SKAP1: variants seen among roughly 807,000 people sequenced by gnomAD.
The protein encoded by SKAP1 is src kinase associated phosphoprotein 1, also known as src kinase-associated phosphoprotein 1.
SKAP1 carries 44 observed loss-of-function variants against 58.5 expected under a neutral mutation model. That is an observed-to-expected ratio of 0.75 (90% confidence interval 0.59 to 0.97). SKAP1 has a LOEUF of 0.97. Ranked by LOEUF, SKAP1 falls within the 50% of genes least tolerant of loss-of-function variation. The pLI is 0.00. For synonymous variants in SKAP1, 127 were observed against 149.7 expected, an observed-to-expected ratio of 0.85 and a Z score of 1.11; for missense variants, 390 against 435.2, an observed-to-expected ratio of 0.90 and a Z score of 0.92.
chr17:48,286,541 T>C (rs2065832145), intron 4 of SKAP1, among the ~76,000 whole-genome samples: 1 of 152,234 alleles, frequency 6.6e-6, no homozygotes, highest in African/African-American at 2.4e-5. Context: ...ATAGTATATG[T>C]GGGATCTCTA....
At chr17:48,421,856 T>A (rs1456825463) in intron 1 of SKAP1, among the ~76,000 whole-genome samples, 1 of 152,132 alleles carries the variant, frequency 6.6e-6, no homozygotes. Context: ...CCTTCCTCCA[T>A]AAAGTTTCTC....
At chr17:48,249,612 T>C (rs1288470210) in intron 4 of SKAP1, among the ~76,000 whole-genome samples, 2 of 151,846 alleles carry the variant, frequency 1.3e-5, no homozygotes, top group Non-Finnish European at 2.9e-5. Context: ...AAGTCGAGGC[T>C]GCTGTGAACC....
intron 4 of SKAP1, among the ~76,000 whole-genome samples, chr17:48,339,570 T>C (rs751643684): frequency 2.6e-5 from 4 of 152,276 alleles, no homozygotes; most frequent in Admixed American, 6.5e-5. Context: ...TAGAATACTA[T>C]GTATTATTGG....
intron 11 of SKAP1, among the ~76,000 whole-genome samples, chr17:48,161,586 T>C (rs2143280009): frequency 6.6e-6 from 1 of 152,360 alleles, no homozygotes; most frequent in South Asian, 2.1e-4. Context: ...CCAGTTTGTT[T>C]ACGGTCAACA....
At chr17:48,427,168 A>G (rs150849910) in intron 1 of SKAP1, among the ~76,000 whole-genome samples, 30 of 152,298 alleles carry the variant, frequency 2.0e-4, no homozygotes, top group South Asian at 4.1e-4. Context: ...ACTTATTCCT[A>G]GGCTTACACA....
intron 4 of SKAP1, among the ~76,000 whole-genome samples, chr17:48,278,649 G>A (rs548198532): frequency 1.3e-5 from 2 of 152,192 alleles, no homozygotes; most frequent in Non-Finnish European, 2.9e-5. Context: ...AGATGGCAGG[G>A]ATGGAGAGTA....
chr17:48,228,869 A>G lies in SKAP1; in HGVS notation c.281-39369T>C, dbSNP rs539960791. ...ACAGAGCTGGGCTAAAGGAGCTGACACTGTGGTGGGATTCCTAATAGAACC... is the reference window on the plus strand; with the variant it reads ...ACAGAGCTGGGCTAAAGGAGCTGACGCTGTGGTGGGATTCCTAATAGAACC... On this transcript the variant is annotated intron_variant, in intron 4 of 12. Coordinates refer to ENST00000336915, the MANE Select transcript of SKAP1 (RefSeq NM_003726.4). Among the ~76,000 whole-genome samples the G allele has an allele frequency of 4.6e-5, 7 of 152,312 alleles. No homozygotes were observed. In the South Asian group the frequency reaches 1.5e-3, roughly 32 times the overall value.
intron 4 of SKAP1, among the ~76,000 whole-genome samples, chr17:48,287,033 T>C (rs1598513546): frequency 6.6e-6 from 1 of 151,550 alleles, no homozygotes; most frequent in Non-Finnish European, 1.5e-5. Flanking sequence ...GAGGTGGAGG[T>C]TGCAGTGAGC....
intron 4 of SKAP1, among the ~76,000 whole-genome samples, chr17:48,326,917 A>G (rs1405181535): frequency 7.4e-5 from 9 of 121,470 alleles, no homozygotes; most frequent in African/African-American, 1.3e-4. Flanking sequence ...TTTGAGATGG[A>G]GTCTTGCTAT....
chr17:48,411,200 G>A (rs1038862734), intron 1 of SKAP1, among the ~76,000 whole-genome samples: 1 of 151,828 alleles, frequency 6.6e-6, no homozygotes, highest in Non-Finnish European at 1.5e-5. Flanking sequence ...AGGAGTTTGA[G>A]ACCAGTCTGG....
At chr17:48,262,192 C>T (rs1046498005) in intron 4 of SKAP1, among the ~76,000 whole-genome samples, 4 of 152,142 alleles carry the variant, frequency 2.6e-5, no homozygotes, top group African/African-American at 7.2e-5. Context: ...CTGCAGGAGG[C>T]CCCCAGTCAG....
intron 7 of SKAP1, among the ~76,000 whole-genome samples, chr17:48,183,152 C>A (rs2064393204): frequency 6.6e-6 from 1 of 152,062 alleles, no homozygotes; most frequent in African/African-American, 2.4e-5. Flanking sequence ...TCAGCTCTAG[C>A]AAAAGGAGTG....
the SKAP1 span, among the ~76,000 whole-genome samples, chr17:48,438,162 C>G: frequency 6.6e-6 from 1 of 152,192 alleles, no homozygotes; most frequent in Non-Finnish European, 1.5e-5. Flanking sequence ...CTTGCTGTGA[C>G]CTTGGACAAG....
intron 4 of SKAP1, among the ~76,000 whole-genome samples, chr17:48,311,362 C>T (rs2066222438): frequency 6.6e-6 from 1 of 152,164 alleles, no homozygotes; most frequent in South Asian, 2.1e-4. Context: ...TTGGGCATCC[C>T]CAGTTCTATC....
chr17:48,238,190 C>T (rs2065203216), intron 4 of SKAP1, among the ~76,000 whole-genome samples: 1 of 151,974 alleles, frequency 6.6e-6, no homozygotes, highest in African/African-American at 2.4e-5. Context: ...GACATGGTTT[C>T]ACCATATTGG....
intron 4 of SKAP1, among the ~76,000 whole-genome samples, chr17:48,291,425 G>A (rs2065895362): frequency 6.6e-6 from 1 of 152,092 alleles, no homozygotes; most frequent in Non-Finnish European, 1.5e-5. Flanking sequence ...CTCTTGCTGA[G>A]GACATTCTAT....
chr17:48,305,173 GTTGTTA>G (rs1226094254), intron 4 of SKAP1, among the ~76,000 whole-genome samples: 1 of 152,082 alleles, frequency 6.6e-6, no homozygotes, highest in African/African-American at 2.4e-5. Context: ...TGTTGTTGTT[GTTGTTA>G]TTTATTTGTT....
chr17:48,333,947 T>A (rs1054905946), intron 4 of SKAP1, among the ~76,000 whole-genome samples: 1 of 151,986 alleles, frequency 6.6e-6, no homozygotes, highest in Non-Finnish European at 1.5e-5. Context: ...GATGTTTGCT[T>A]TATAGATGAA....
rs1283691457 is a variant in SKAP1, at chr17:48,407,834, A to T, written c.47-11049T>A. On this transcript the variant is annotated intron_variant, in intron 1 of 12. Transcript: ENST00000336915. Reference sequence around the variant, plus strand: ...ATGCCACTGCATTCCAGCATGGGCAACAGAGTGAGACTTTGTCTCCAAAAA... The same window carrying T: ...ATGCCACTGCATTCCAGCATGGGCATCAGAGTGAGACTTTGTCTCCAAAAA... 1.3e-4 allele frequency among the ~76,000 whole-genome samples: 20 copies of T among 150,070 alleles called. No homozygotes were observed. The Admixed American group carries it at 1.3e-3, about 10-fold the overall frequency.
Sources: gnomAD v4.1 joint callset for allele counts (sites outside exome capture counted in the v4.1 genomes callset) on GRCh38, gnomAD v4.1.1 for gene constraint, MANE v1.5 for transcripts, NCBI Gene and HGNC (gene_info 2026-07-23, HGNC 2026-07-21) for gene names.